The following CDK12 variants were observed in gnomAD, a reference collection of about 807,000 sequenced individuals.
CDK12 encodes cyclin-dependent kinase 12.
Under a neutral mutation model 133.8 loss-of-function variants are expected in CDK12, and 17 were observed. That is an observed-to-expected ratio of 0.13 (90% CI 0.09 to 0.19). The LOEUF is 0.19. CDK12 is among the 10% of genes least tolerant of loss of function. The pLI is 1.00. For missense variants in CDK12, 1,508 were observed against 1,818.7 expected (o/e 0.83, Z 3.11); for synonymous variants, 694 against 683.6 (o/e 1.02, Z -0.24).
Position 39,524,604 on chromosome 17 carries a change from T to C in CDK12, c.3096-70T>C. ...CACAGTCTTTGCCTTCCCATTTTAA[T>C]CCTTTGCTCCTCCATTCATTCACTG... On this transcript the variant is annotated intron_variant, in intron 11 of 13. Transcript: ENST00000447079. The C allele has an allele frequency of 4.6e-6, 6 of 1,314,784 alleles. No individual in the cohort carries two copies. In the South Asian group the frequency reaches 7.4e-5, roughly 16 times the overall value. 81.4% of individuals were successfully genotyped at this position (1,314,784 alleles called of 1,614,324 possible).
chr17:39,528,721 A>G (rs1263921548), intron 13 of CDK12, among the ~76,000 whole-genome samples: 2 of 152,226 alleles, frequency 1.3e-5, no homozygotes, highest in Non-Finnish European at 2.9e-5. Context: ...TAATTAGGCT[A>G]TTTACATAAA....
At chr17:39,529,659 C>T (rs2054708854) in intron 13 of CDK12, among the ~76,000 whole-genome samples, 1 of 152,018 alleles carries the variant, frequency 6.6e-6, no homozygotes, top group South Asian at 2.1e-4. Flanking sequence ...CATTATCAGA[C>T]AATGTTTATC....
At chr17:39,539,174 AG>A (rs2055296716), downstream of CDK12, among the ~76,000 whole-genome samples, 2 of 152,214 alleles carry the variant, frequency 1.3e-5, no homozygotes. Context: ...TAGGACTGAT[AG>A]GGACCAAGAT....
At chr17:39,564,971 G>C (rs2056518934), downstream of CDK12, 2 of 152,256 alleles carry the variant, frequency 1.3e-5, no homozygotes, top group Admixed American at 1.3e-4. Flanking sequence ...GATATCCACA[G>C]GGATTCTTAA....
intron 2 of CDK12, among the ~76,000 whole-genome samples, chr17:39,475,767 G>A (rs548616779): frequency 4.0e-5 from 6 of 151,664 alleles, no homozygotes; most frequent in African/African-American, 7.3e-5. Context: ...GGCTGGTCTC[G>A]AACTCCTGAC....
chr17:39,532,275 C>G lies in CDK12; in HGVS notation c.*959C>G. ...AAAGGAAAGGAAATTCAGACTCTTA[C>G]ATTGTTCTCTGTAACTCTTCAATTC... On this transcript the variant is annotated 3_prime_UTR_variant, in exon 14 of 14. Coordinates refer to ENST00000447079, the MANE Select transcript of CDK12 (RefSeq NM_016507.4). 4.3e-6 allele frequency: 1 copy of G among 233,288 alleles called. No individual in the cohort carries two copies. The highest frequency in any genetic ancestry group is 8.5e-6 in the Non-Finnish European group (1 of 118,018). The allele number at this position is 233,288 out of a possible 1,614,324, so 14.5% of individuals were successfully genotyped here.
downstream of CDK12, among the ~76,000 whole-genome samples, chr17:39,565,413 C>CTGTTTGTT (rs5820296): frequency 0.17 from 24,408 of 144,674 alleles, 2,296 homozygotes; most frequent in East Asian, 0.24. Context: ...CGCACCCAGC[C>CTGTTTGTT]TGTTTGTTTG....
chr17:39,471,520 A>G lies in CDK12; in HGVS notation c.1688A>G (p.Gln563Arg). 2 of 1,609,740 alleles carry G rather than the reference A, an allele frequency of 1.2e-6. No individual in the cohort carries two copies. The highest frequency in any genetic ancestry group is 2.2e-5 in the South Asian group (2 of 90,954). Residue 563 changes from glutamine to arginine, a missense_variant, in exon 2 of 14, where the codon CAA becomes CGA. Gln to Arg is a conservative substitution (Grantham distance 43). Around this residue, in one of 9 missense-constraint regions of CDK12, gnomAD observed 347 missense variants for 330.8 expected, o/e 1.05. Coordinates refer to ENST00000447079, the MANE Select transcript of CDK12 (RefSeq NM_016507.4). ...CCTCCAATACCAGCTCTTCCACAGC[A>G]ACCACCTCTGCCTCCTTCTCAGCCA... ...PLPPIPALPQ[Q>R]PPLPPSQPAF...
Position 39,532,091 on chromosome 17 carries a change from T to G in CDK12, c.*775T>G, listed in dbSNP as rs538133289. On this transcript the variant is annotated 3_prime_UTR_variant, in exon 14 of 14. Coordinates refer to ENST00000447079, the MANE Select transcript of CDK12 (RefSeq NM_016507.4). ...TTTCCTTTTTTGCTGATGTGTGCTC[T>G]CTCTCTCTCTTTCTCTCTCTCTCTC... 73 of 217,498 alleles carry G rather than the reference T, an allele frequency of 3.4e-4. No homozygotes were observed. Among genetic ancestry groups the G allele is most frequent in the Non-Finnish European group, 5.9e-4 (67 of 113,714 alleles). 13.5% of individuals were successfully genotyped at this position (217,498 alleles called of 1,614,324 possible).
intron 11 of CDK12, among the ~76,000 whole-genome samples, chr17:39,522,792 C>A (rs1567777869): frequency 6.6e-6 from 1 of 152,062 alleles, no homozygotes; most frequent in Non-Finnish European, 1.5e-5. Context: ...GTCGCTCACA[C>A]CTGTAATCCC....
Position 39,526,260 on chromosome 17 carries a change from A to C in CDK12, c.3704A>C (p.Asn1235Thr). ...GSLEENNSDK[N>T]SGPQGPRRTP... is the part of the protein sequence containing the mutation. ...CTGGAGGAAAACAACAGTGACAAGA[A>C]CAGTGGGCCACAGGGGCCCCGAAGA... Residue 1235 changes from asparagine to threonine, a missense_variant, in exon 13 of 14, where the codon AAC becomes ACC. Asn to Thr is a moderately conservative substitution (Grantham distance 65). Around this residue, in one of 9 missense-constraint regions of CDK12, gnomAD observed 399 missense variants for 469.6 expected, o/e 0.85. Coordinates refer to ENST00000447079, the MANE Select transcript of CDK12 (RefSeq NM_016507.4). 6.2e-7 allele frequency: 1 copy of C among 1,608,760 alleles called. No homozygotes were observed. Among genetic ancestry groups the C allele is most frequent in the South Asian group, 1.1e-5 (1 of 90,218 alleles).
rs138932432 is a variant in CDK12 at position 39,493,639 on chromosome 17, A to C, written c.2248+749A>C. On this transcript the variant is annotated intron_variant, in intron 4 of 13. Transcript: ENST00000447079. ...CACGCCTGGCCAAATTTTTAGTTCT[A>C]GTTTTGTCTCCAAAAGTTATTGAGT... Among the ~76,000 whole-genome samples, 424 of 152,106 alleles carry C rather than the reference A, an allele frequency of 2.8e-3. 1 individual carries two copies. Among genetic ancestry groups the C allele is most frequent in the African/African-American group, 9.5e-3 (396 of 41,528 alleles).
chr17:39,519,821 T>C lies in CDK12; in HGVS notation c.2964-135T>C. ...TATGTTGCCCAGGTTGATCTCAAAC[T>C]TCTGGCCTCACGCAGTCCTACCTTG... On this transcript the variant is annotated intron_variant, in intron 10 of 13. Transcript: ENST00000447079. 3.8e-6 allele frequency: 3 copies of C among 791,284 alleles called. No individual in the cohort carries two copies. In the South Asian group the frequency reaches 5.1e-5, roughly 14 times the overall value. The allele number at this position is 791,284 out of a possible 1,614,324, so 49.0% of individuals were successfully genotyped here. A position where few individuals can be genotyped will look rare whatever the true frequency, so the allele number is the denominator to read the frequency against.
chr17:39,543,961 G>A (rs2055549813), upstream of CDK12: 3 of 235,566 alleles, frequency 1.3e-5, no homozygotes, highest in Admixed American at 8.7e-5. Flanking sequence ...CACAGCTTCT[G>A]TTTCTGTTGA....
intron 3 of CDK12, among the ~76,000 whole-genome samples, chr17:39,559,910 T>C (rs894946702): frequency 3.3e-5 from 5 of 150,772 alleles, no homozygotes; most frequent in Non-Finnish European, 7.4e-5. Flanking sequence ...CAAGCCTTAG[T>C]TTCCTAAGTG....
In CDK12 at chr17:39,462,585, A is replaced by G. The variant is rs1019981847; in HGVS notation, c.514A>G (p.Lys172Glu). 3.1e-6 allele frequency: 5 copies of G among 1,614,076 alleles called. No individual in the cohort carries two copies. In the African/African-American group the frequency reaches 6.7e-5, roughly 22 times the overall value. ...GGCGCAGGTAGCCAAAAGCAGCAGCAAGGAATCCAGGTCATCCAAGCTCCA... is the reference window on the plus strand; with the variant it reads ...GGCGCAGGTAGCCAAAAGCAGCAGCGAGGAATCCAGGTCATCCAAGCTCCA... ...GKAQVAKSSS[K>E]ESRSSKLHKE... The change falls in exon 1 of 14, where the codon AAG becomes GAG. Residue 172 changes from lysine to glutamate, a missense_variant. Physicochemically the swap from Lys to Glu is moderately conservative, Grantham distance 56. Transcript: ENST00000447079.
Position 39,496,862 on chromosome 17 carries a change from A to G in CDK12, c.2419+2168A>G, listed in dbSNP as rs78099616. 9.6e-3 allele frequency among the ~76,000 whole-genome samples: 1,391 copies of G among 145,498 alleles called. 19 individuals carry two copies. Among genetic ancestry groups the G allele is most frequent in the African/African-American group, 0.034 (1,312 of 38,166 alleles). On this transcript the variant is annotated intron_variant, in intron 5 of 13. Transcript: ENST00000447079. ...TCAGATTCCTTTTAAGAAAATTAGT[A>G]TGTCCAGTGGGTGTCCATCTCAGTG...
chr17:39,467,604 A>G (rs2049442413), intron 1 of CDK12, among the ~76,000 whole-genome samples: 1 of 152,164 alleles, frequency 6.6e-6, no homozygotes, highest in East Asian at 1.9e-4. Flanking sequence ...AGGGTTTCTA[A>G]CAGACTTCCT....
chr17:39,506,284 C>T (rs915884149), intron 6 of CDK12, among the ~76,000 whole-genome samples: 21 of 142,958 alleles, frequency 1.5e-4, no homozygotes, highest in African/African-American at 5.1e-4. Context: ...GGCGCTATCT[C>T]GGCTCACTGC....
Sources: allele counts gnomAD v4.1 joint callset (sites outside exome capture counted in the v4.1 genomes callset), GRCh38; gene constraint gnomAD v4.1.1; regional missense constraint gnomAD v4.1.1; transcripts MANE v1.5; gene names NCBI Gene and HGNC (gene_info 2026-07-23, HGNC 2026-07-21).